The following LARS1 variants were observed in gnomAD, a reference collection of about 807,000 sequenced individuals.
The protein encoded by LARS1 is leucine--tRNA ligase, cytoplasmic.
Under a neutral mutation model 162.8 loss-of-function variants are expected in LARS1, and 100 were observed. That is an observed-to-expected ratio of 0.61 (90% CI 0.52 to 0.73). The LOEUF (loss-of-function observed/expected upper bound fraction) is 0.73. LARS1 is among the 30% of genes least tolerant of loss of function. The probability of loss-of-function intolerance (pLI) is 0.00; values close to 1 mark genes in which losing one functional copy is unlikely to be tolerated. For synonymous variants in LARS1, 457 were observed against 462.8 expected (o/e 0.99, Z 0.16); for missense variants, 1,258 against 1,408.9 (o/e 0.89, Z 1.71).
At chr5:146,133,939 G>T (rs1014484863) in intron 22 of LARS1, among the ~76,000 whole-genome samples, 1 of 152,154 alleles carries the variant, frequency 6.6e-6, no homozygotes, top group Non-Finnish European at 1.5e-5. Flanking sequence ...CCGCCTCTTG[G>T]ATTCAAGCAA....
intron 5 of LARS1, 150 bp from the exon 6 acceptor site, chr5:146,164,621 GT>G: frequency 1.5e-5 from 11 of 750,362 alleles, no homozygotes; most frequent in Non-Finnish European, 2.4e-5. Flanking sequence ...CTATTAGTCT[GT>G]ACTAAAAGTA....
chr5:146,126,827 T>C (rs1263146010), intron 27 of LARS1, among the ~76,000 whole-genome samples: 1 of 152,124 alleles, frequency 6.6e-6, no homozygotes, highest in Non-Finnish European at 1.5e-5. Context: ...AATGGTCTCA[T>C]AAAAACTTGT....
At chr5:146,163,215 G>A (rs1254876165) in intron 6 of LARS1, among the ~76,000 whole-genome samples, 1 of 152,190 alleles carries the variant, frequency 6.6e-6, no homozygotes, top group African/African-American at 2.4e-5. Flanking sequence ...ACCTCCCCCA[G>A]CCTTTACAGA....
intron 21 of LARS1, chr5:146,137,963 A>T (rs1400291618): frequency 6.4e-6 from 1 of 156,784 alleles, no homozygotes; most frequent in Non-Finnish European, 1.4e-5. Context: ...TCTACTAAAA[A>T]TACAAAAAAA....
chr5:146,116,790 T>TA (rs1764232102), intron 31 of LARS1, among the ~76,000 whole-genome samples: 1 of 152,212 alleles, frequency 6.6e-6, no homozygotes, highest in African/African-American at 2.4e-5. Context: ...AATGAAATGA[T>TA]AGTTTTAGTT....
At chr5:146,158,809 C>A (rs1479327106) in intron 8 of LARS1, among the ~76,000 whole-genome samples, 1 of 152,058 alleles carries the variant, frequency 6.6e-6, no homozygotes, top group Non-Finnish European at 1.5e-5. Flanking sequence ...AAAAGATATT[C>A]CTGGAGGCCG....
rs2126332059 is a variant in LARS1, at chr5:146,114,216, TG to T, written c.3420del (p.Ile1141PhefsTer12). 2 of 1,613,800 alleles carry T rather than the reference TG, an allele frequency of 1.2e-6. No individual in the cohort carries two copies. The highest frequency in any genetic ancestry group is 1.7e-6 in the Non-Finnish European group (2 of 1,179,906). ...VLGKEYTEKT[P>X]ISEHAVFNVD... is the part of the protein sequence containing the mutation. ...ACATTGAAAACAGCATGCTCAGAAA[TG>T]GGGGTCTTCTCGGTGTACTCCTTTC... On this transcript the variant is annotated frameshift_variant, in exon 32 of 32. Coordinates refer to ENST00000394434, the MANE Select transcript of LARS1 (RefSeq NM_020117.11). LOFTEE classifies it high-confidence loss of function.
At chr5:146,176,696 TTTTG>T in intron 2 of LARS1, among the ~76,000 whole-genome samples, 1 of 152,266 alleles carries the variant, frequency 6.6e-6, no homozygotes, top group Admixed American at 6.5e-5. Flanking sequence ...GGGGGAGTTA[TTTTG>T]TTTTTGTTTT....
intron 3 of LARS1, 125 bp downstream of exon 3, chr5:146,172,562 T>C (rs1351474825): frequency 6.6e-6 from 3 of 452,450 alleles, no homozygotes; most frequent in African/African-American, 2.1e-5. Flanking sequence ...ATATAAAAAA[T>C]TATGCTTTAA....
intron 22 of LARS1, 140 bp downstream of exon 22, chr5:146,135,461 A>G: frequency 4.8e-6 from 3 of 620,780 alleles, no homozygotes; most frequent in Non-Finnish European, 8.4e-6. Flanking sequence ...TATGTTGCTC[A>G]TCCACAAAGG....
At chr5:146,164,641 T>C (rs1183940261) in intron 5 of LARS1, among the ~76,000 whole-genome samples, 170 bp from the exon 6 acceptor site, 1 of 152,238 alleles carries the variant, frequency 6.6e-6, no homozygotes, top group Non-Finnish European at 1.5e-5. Flanking sequence ...TACTAGTCTG[T>C]ACTAAATAGT....
chr5:146,141,865 A>G (rs543232736), intron 20 of LARS1, among the ~76,000 whole-genome samples: 1 of 151,034 alleles, frequency 6.6e-6, no homozygotes, highest in South Asian at 2.1e-4. Flanking sequence ...CATTAAATTT[A>G]TCTTATTCCT....
chr5:146,126,363 T>C lies in LARS1; in HGVS notation c.2991+72A>G, dbSNP rs1581011274. The C allele has an allele frequency of 1.8e-5, 16 of 882,014 alleles. No individual in the cohort carries two copies. In the East Asian group the frequency reaches 4.1e-4, roughly 23 times the overall value. The allele number at this position is 882,014 out of a possible 1,614,324, so 54.6% of individuals were successfully genotyped here. ...CTGGCAGGAGACTATGTCCAAGGCTTTTCCCCATCCTTCTATTGTCCCATC... is the reference window on the plus strand; with the variant it reads ...CTGGCAGGAGACTATGTCCAAGGCTCTTCCCCATCCTTCTATTGTCCCATC... On this transcript the variant is annotated intron_variant, in intron 28 of 31. Coordinates refer to ENST00000394434, the MANE Select transcript of LARS1 (RefSeq NM_020117.11).
intron 20 of LARS1, among the ~76,000 whole-genome samples, chr5:146,141,558 C>T (rs1223771432): frequency 6.6e-6 from 1 of 152,074 alleles, no homozygotes; most frequent in East Asian, 1.9e-4. Context: ...AATCCGAGTA[C>T]TTTGGGAGGC....
In LARS1 at chr5:146,144,261, G is replaced by A; in HGVS notation, c.1738+6C>T. ...ATCCAAACAGAAAAATTTCAAGTTT[G>A]TTTACCTAGACCATAAGTTCTTGAG... On this transcript the variant is annotated splice_donor_region_variant and intron_variant, in intron 18 of 31. Transcript: ENST00000394434. 1 of 1,592,950 alleles carries A rather than the reference G, an allele frequency of 6.3e-7. No homozygotes were observed. Among genetic ancestry groups the A allele is most frequent in the Non-Finnish European group, 8.5e-7 (1 of 1,173,586 alleles).
chr5:146,121,054 C>T (rs1005490709), intron 30 of LARS1, among the ~76,000 whole-genome samples: 2 of 152,090 alleles, frequency 1.3e-5, no homozygotes, highest in Admixed American at 1.3e-4. Context: ...TACATAGTAT[C>T]TTAATAGAAT....
At chr5:146,136,482 ATTTT>A (rs35080569) in intron 21 of LARS1, among the ~76,000 whole-genome samples, 1 of 141,644 alleles carries the variant, frequency 7.1e-6, no homozygotes. Flanking sequence ...CAGATTACCT[ATTTT>A]TTTTTTTTTT....
In LARS1 at chr5:146,144,793, T is replaced by A. The variant is rs1390049795; in HGVS notation, c.1504-84A>T. On this transcript the variant is annotated intron_variant, in intron 15 of 31. Transcript: ENST00000394434. ...AAGGATAAAAATTACTTTAAAAAAA[T>A]GCTATACCACCAATAACTGAAAGCC... 65 of 1,220,426 alleles carry A rather than the reference T, an allele frequency of 5.3e-5. No homozygotes were observed. In the Admixed American group the frequency reaches 1.2e-3, roughly 23 times the overall value. 75.6% of individuals were successfully genotyped at this position (1,220,426 alleles called of 1,614,324 possible).
At chr5:146,124,763 TACTC>T (rs1007174672) in intron 28 of LARS1, among the ~76,000 whole-genome samples, 20 of 151,950 alleles carry the variant, frequency 1.3e-4, no homozygotes, top group African/African-American at 4.8e-4. Context: ...TTATTCCTGC[TACTC>T]ACTGTTTTCG....
Sources: gnomAD v4.1 joint callset for allele counts (sites outside exome capture counted in the v4.1 genomes callset) on GRCh38, gnomAD v4.1.1 for gene constraint, MANE v1.5 for transcripts, NCBI Gene and HGNC (gene_info 2026-07-23, HGNC 2026-07-21) for gene names.